The following TTC29 variants were observed in gnomAD, a reference collection of about 807,000 sequenced individuals.
The protein encoded by TTC29 is tetratricopeptide repeat protein 29.
Under a neutral mutation model 58.1 loss-of-function variants are expected in TTC29, and 49 were observed. The ratio of observed to expected loss-of-function variants is 0.84; its 90% CI spans 0.67 to 1.07. The LOEUF (loss-of-function observed/expected upper bound fraction) is 1.07, where lower values mean the gene tolerates loss of function less well. TTC29 is among the 50% of genes least tolerant of loss of function. The pLI is 0.00. For missense variants in TTC29, 582 were observed against 555.6 expected (o/e 1.05, Z -0.48); for synonymous variants, 209 against 196.8 (o/e 1.06, Z -0.52).
At chr4:146,720,301 C>T (rs1229045025) in intron 11 of TTC29, among the ~76,000 whole-genome samples, 1 of 152,066 alleles carries the variant, frequency 6.6e-6, no homozygotes, top group Non-Finnish European at 1.5e-5. Context: ...CAGTATAAAC[C>T]TAAAAGAAAC....
chr4:146,775,707 G>T (rs1274598700), intron 11 of TTC29, among the ~76,000 whole-genome samples: 2 of 151,822 alleles, frequency 1.3e-5, no homozygotes, highest in African/African-American at 4.8e-5. Flanking sequence ...TTTTGACCTT[G>T]GAAAATCTGA....
At chr4:146,712,750 T>C (rs973947340) in intron 11 of TTC29, among the ~76,000 whole-genome samples, 2 of 152,004 alleles carry the variant, frequency 1.3e-5, no homozygotes, top group Admixed American at 1.3e-4. Flanking sequence ...ATAAGGGATA[T>C]TGAGGCACCT....
intron 11 of TTC29, among the ~76,000 whole-genome samples, chr4:146,734,910 T>C (rs540405578): frequency 2.6e-5 from 4 of 151,832 alleles, no homozygotes; most frequent in Non-Finnish European, 5.9e-5. Flanking sequence ...TGGTCACCCA[T>C]GGTATGAAGC....
chr4:146,886,420 T>TA (rs200734012), intron 6 of TTC29, among the ~76,000 whole-genome samples: 182 of 152,194 alleles, frequency 1.2e-3, no homozygotes, highest in African/African-American at 4.1e-3. Flanking sequence ...TTAGTTTTCT[T>TA]AAAAAACCAT....
At chr4:146,787,365 A>G (rs959233283) in intron 11 of TTC29, among the ~76,000 whole-genome samples, 5 of 152,092 alleles carry the variant, frequency 3.3e-5, no homozygotes, top group African/African-American at 9.7e-5. Flanking sequence ...TATATTTTCC[A>G]TGTTTCTTCT....
At chr4:146,787,487 A>G (rs1749108131) in intron 11 of TTC29, among the ~76,000 whole-genome samples, 1 of 152,228 alleles carries the variant, frequency 6.6e-6, no homozygotes, top group African/African-American at 2.4e-5. Flanking sequence ...ATTGATTTAC[A>G]TAGTTGTTTG....
intron 6 of TTC29, among the ~76,000 whole-genome samples, chr4:146,897,735 G>C (rs1284123371): frequency 1.3e-5 from 2 of 152,202 alleles, no homozygotes; most frequent in Non-Finnish European, 2.9e-5. Context: ...GCTCCCAGTT[G>C]GTCTGCTGTG....
At chr4:146,783,864 A>T (rs1239011754) in intron 11 of TTC29, among the ~76,000 whole-genome samples, 3 of 152,066 alleles carry the variant, frequency 2.0e-5, no homozygotes, top group Non-Finnish European at 2.9e-5. Flanking sequence ...TTTGAAGATA[A>T]AGAGAGAACT....
intron 8 of TTC29, among the ~76,000 whole-genome samples, chr4:146,846,567 C>T (rs1561183544): frequency 6.6e-6 from 1 of 152,144 alleles, no homozygotes; most frequent in Non-Finnish European, 1.5e-5. Flanking sequence ...TCAACTTCTC[C>T]CCAGTGGCCA....
intron 4 of TTC29, among the ~76,000 whole-genome samples, chr4:146,924,460 T>C (rs527490698): frequency 1.6e-4 from 25 of 152,072 alleles, no homozygotes; most frequent in Admixed American, 1.4e-3. Context: ...TTCTGTTATC[T>C]GTTTCTATGT....
At chr4:146,786,715 G>A (rs1436477086) in intron 11 of TTC29, among the ~76,000 whole-genome samples, 1 of 152,162 alleles carries the variant, frequency 6.6e-6, no homozygotes, top group East Asian at 1.9e-4. Flanking sequence ...CCCAGAAATA[G>A]TGCCTAAGAA....
chr4:146,903,844 A>G, intron 5 of TTC29, 115 bp from the exon 6 acceptor site: 1 of 733,308 alleles, frequency 1.4e-6, no homozygotes, highest in Non-Finnish European at 1.9e-6. Context: ...TGTGATTACC[A>G]ATTTTAAAAA....
At chr4:146,753,223 C>A (rs1314517612) in intron 11 of TTC29, among the ~76,000 whole-genome samples, 1 of 152,036 alleles carries the variant, frequency 6.6e-6, no homozygotes, top group Non-Finnish European at 1.5e-5. Flanking sequence ...CAAACAACCC[C>A]ATCAAAAAGT....
At chr4:146,904,256 G>A (rs1022522996) in intron 5 of TTC29, among the ~76,000 whole-genome samples, 11 of 152,124 alleles carry the variant, frequency 7.2e-5, no homozygotes, top group Admixed American at 5.9e-4. Flanking sequence ...TGATCAGAAT[G>A]ACCCTATAAG....
chr4:146,928,585 G>A (rs1735095256), intron 4 of TTC29, among the ~76,000 whole-genome samples: 2 of 152,296 alleles, frequency 1.3e-5, no homozygotes, highest in South Asian at 2.1e-4. Flanking sequence ...AGGTGCTGGA[G>A]ACTCAGCAGT....
intron 7 of TTC29, among the ~76,000 whole-genome samples, chr4:146,872,664 T>A (rs947632888): frequency 6.6e-6 from 1 of 150,726 alleles, no homozygotes; most frequent in African/African-American, 2.4e-5. Flanking sequence ...AACAGGGAAA[T>A]GCAAATAAAA....
intron 11 of TTC29, among the ~76,000 whole-genome samples, chr4:146,737,121 A>G (rs1312200973): frequency 2.0e-5 from 3 of 152,162 alleles, no homozygotes; most frequent in Non-Finnish European, 4.4e-5. Flanking sequence ...GAAGAATTGA[A>G]CAGTGATAGA....
intron 11 of TTC29, among the ~76,000 whole-genome samples, chr4:146,753,542 C>G: frequency 6.6e-6 from 1 of 152,152 alleles, no homozygotes; most frequent in African/African-American, 2.4e-5. Flanking sequence ...CCCAGCCATC[C>G]TATTGCTGGA....
intron 6 of TTC29, among the ~76,000 whole-genome samples, chr4:146,879,162 C>T (rs1731462090): frequency 6.6e-6 from 1 of 152,112 alleles, no homozygotes; most frequent in Non-Finnish European, 1.5e-5. Context: ...TGACCACAAG[C>T]ACACAAATGA....
Sources: gnomAD v4.1 joint callset for allele counts (sites outside exome capture counted in the v4.1 genomes callset) on GRCh38, gnomAD v4.1.1 for gene constraint, MANE v1.5 for transcripts, NCBI Gene and HGNC (gene_info 2026-07-23, HGNC 2026-07-21) for gene names.